Variants in PSG8 observed in about 807,000 individuals in gnomAD.
PSG8 encodes pregnancy-specific beta-1-glycoprotein 8.
In PSG8, 57 loss-of-function variants were observed where a neutral mutation model predicts 42.5. That is an observed-to-expected ratio of 1.34 (90% CI 1.08 to 1.67). The LOEUF (loss-of-function observed/expected upper bound fraction) is 1.67. PSG8 is among the 40% of genes most tolerant of loss of function. PSG8 has a pLI of 0.00. For missense variants in PSG8, 783 were observed against 518.6 expected (o/e 1.51, Z -4.95); for synonymous variants, 280 against 196.8 (o/e 1.42, Z -3.54).
Position 42,754,315 on chromosome 19 carries a change from A to T in PSG8, c.1261T>A (p.Ser421Thr), listed in dbSNP as rs775427803. ...VKVSGKRIPV[S>T]LAIGI ...TCCACCTAAATCCCTATTGCCAAGG[A>T]TACTGGGATCCGCTTACCAGAGACT... The change falls in exon 5 of 5, where the codon TCC becomes ACC. Residue 421 changes from serine to threonine, a missense_variant. Physicochemically the swap from Ser to Thr is moderately conservative, Grantham distance 58. Coordinates refer to ENST00000306511, the MANE Select transcript of PSG8 (RefSeq NM_182707.3). 1.9e-6 allele frequency: 3 copies of T among 1,613,548 alleles called. No homozygotes were observed. The highest frequency in any genetic ancestry group is 3.3e-5 in the Admixed American group (2 of 59,972).
In PSG8 at chr19:42,754,805, C is replaced by T; in HGVS notation, c.988+183G>A. 27 of 1,454,418 alleles carry T rather than the reference C, an allele frequency of 1.9e-5. No individual in the cohort carries two copies. The South Asian group carries it at 3.8e-4, about 21-fold the overall frequency. The allele number at this position is 1,454,418 out of a possible 1,614,324, so 90.1% of individuals were successfully genotyped here. ...CTCCCATGACAAGAGCGTCCACTCCCCTTATACTCTTGGTTAAGGCTGTGC... is the reference window on the plus strand; with the variant it reads ...CTCCCATGACAAGAGCGTCCACTCCTCTTATACTCTTGGTTAAGGCTGTGC... On this transcript the variant is annotated intron_variant, in intron 4 of 4. Coordinates refer to ENST00000306511, the MANE Select transcript of PSG8 (RefSeq NM_182707.3).
chr19:42,755,012 A>T lies in PSG8; in HGVS notation c.964T>A (p.Tyr322Asn), dbSNP rs111674083. 1.4e-4 allele frequency: 218 copies of T among 1,613,108 alleles called. 5 individuals carry two copies. The highest frequency in any genetic ancestry group is 2.5e-4 in the Admixed American group (15 of 59,974). Residue 322 changes from tyrosine (Y) to asparagine (N), a missense_variant, in exon 4 of 5, where the codon TAC becomes AAC. Tyr to Asn is a moderately radical substitution (Grantham distance 143). Transcript: ENST00000306511. ...IRDQYGGIRS[Y>N]PVTLNVLYGP... ...CAGAGGACATTCAGGGTGACTGGGT[A>T]ACTGCGGATGCCACCATATTGGTCC...
chr19:42,757,968 C>T (rs1440990559), intron 3 of PSG8, 34 bp downstream of exon 3: 4 of 1,613,976 alleles, frequency 2.5e-6, no homozygotes, highest in Non-Finnish European at 2.5e-6. Context: ...TTTGGGATGG[C>T]AGCCTGGCTC....
chr19:42,764,518 A>C (rs1970166985), intron 1 of PSG8, among the ~76,000 whole-genome samples: 2 of 151,758 alleles, frequency 1.3e-5, no homozygotes, highest in African/African-American at 4.8e-5. Flanking sequence ...CATTCCTTCA[A>C]CACTTCTGAC....
chr19:42,757,679 G>A (rs1003844270), intron 3 of PSG8, among the ~76,000 whole-genome samples: 3 of 152,176 alleles, frequency 2.0e-5, no homozygotes, highest in Non-Finnish European at 4.4e-5. Context: ...CAATCACAGT[G>A]ACCCTGTGAG....
rs373909679 is a variant in PSG8, at chr19:42,765,574, A to G, written c.8T>C (p.Leu3Pro). 6.1e-5 allele frequency: 99 copies of G among 1,610,700 alleles called. No homozygotes were observed. The highest frequency in any genetic ancestry group is 8.8e-5 in the South Asian group (8 of 91,044). MG[L>P]LSAPPCTQRI... ...CTGTGTGCAGGGAGGGGCTGAGAGG[A>G]GCCCCATGGTCTCTGCTGTCTGTGT... The change falls in exon 1 of 5, where the codon CTC becomes CCC. Residue 3 changes from leucine to proline, a missense_variant. Physicochemically the swap from Leu to Pro is moderately conservative, Grantham distance 98. Transcript: ENST00000306511.
rs1970136891 is a variant in PSG8 at position 42,763,806 on chromosome 19, A to T, written c.430+110T>A. Reference sequence around the variant, plus strand: ...CTAAATGCCCAAACCCCAGCATGGGACATAATGCAGAGAGGGACACAGGCA... The same window carrying T: ...CTAAATGCCCAAACCCCAGCATGGGTCATAATGCAGAGAGGGACACAGGCA... On this transcript the variant is annotated intron_variant, in intron 2 of 4. Transcript: ENST00000306511. 5.8e-5 allele frequency: 91 copies of T among 1,578,056 alleles called. 1 individual carries two copies. The South Asian group carries it at 9.2e-4, about 16-fold the overall frequency.
intron 1 of PSG8, 58 bp downstream of exon 1, chr19:42,765,460 C>A (rs1568381737): frequency 3.1e-6 from 5 of 1,601,584 alleles, no homozygotes; most frequent in Non-Finnish European, 3.4e-6. Context: ...CTCAAGGAGA[C>A]CCCATCCAGT....
intron 2 of PSG8, among the ~76,000 whole-genome samples, chr19:42,760,731 C>T (rs573718148): frequency 1.2e-4 from 19 of 152,106 alleles, no homozygotes; most frequent in Non-Finnish European, 2.6e-4. Flanking sequence ...TACAGGGGCC[C>T]GCCACCATGG....
At position 42,754,274 on chromosome 19, in the gene PSG8, T is replaced by G. The variant is rs776110008; in HGVS notation, c.*21A>C. On this transcript the variant is annotated 3_prime_UTR_variant, in exon 5 of 5. Coordinates refer to ENST00000306511, the MANE Select transcript of PSG8 (RefSeq NM_182707.3). ...TAAAAATGTTTTCCTGACTCTTCCC[T>G]GAAGGCCAGATAGACTCCACCTAAA... is the stretch of plus-strand genomic sequence containing the variant. The G allele has an allele frequency of 1.2e-6, 2 of 1,609,702 alleles. No individual in the cohort carries two copies. The highest frequency in any genetic ancestry group is 1.7e-6 in the Non-Finnish European group (2 of 1,177,798).
At chr19:42,761,538 A>G (rs1600417765) in intron 2 of PSG8, among the ~76,000 whole-genome samples, 1 of 152,082 alleles carries the variant, frequency 6.6e-6, no homozygotes, top group African/African-American at 2.4e-5. Flanking sequence ...CAACCGGCTG[A>G]CCTCATCCAT....
chr19:42,761,991 C>T (rs35202325), intron 2 of PSG8, among the ~76,000 whole-genome samples: 1 of 151,982 alleles, frequency 6.6e-6, no homozygotes. Context: ...AGCTCATTCT[C>T]TTAGTGACCT....
chr19:42,765,347 C>G (rs566998966), intron 1 of PSG8, among the ~76,000 whole-genome samples, 171 bp downstream of exon 1: 1 of 152,024 alleles, frequency 6.6e-6, no homozygotes, highest in South Asian at 2.1e-4. Context: ...AGAGACAGGG[C>G]TTCACTGTGT....
At position 42,757,458 on chromosome 19, in the gene PSG8, G is replaced by A. The variant is rs926737902; in HGVS notation, c.709+544C>T. On this transcript the variant is annotated intron_variant, in intron 3 of 4. Coordinates refer to ENST00000306511, the MANE Select transcript of PSG8 (RefSeq NM_182707.3). ...GATTTGGGGGATAAAGAACACTTGT[G>A]CTGATTGCTGGAACTTCCCATCAAT... Among the ~76,000 whole-genome samples the A allele has an allele frequency of 1.6e-4, 25 of 152,136 alleles. 1 individual carries two copies. The highest frequency in any genetic ancestry group is 9.2e-4 in the Admixed American group (14 of 15,284).
At chr19:42,760,892 T>C (rs1970056802) in intron 2 of PSG8, among the ~76,000 whole-genome samples, 1 of 152,200 alleles carries the variant, frequency 6.6e-6, no homozygotes, top group African/African-American at 2.4e-5. Flanking sequence ...TGAGGGAGTT[T>C]AACGAGTTGT....
rs751141317 is a variant in PSG8, at chr19:42,764,044, A to G, written c.302T>C (p.Ile101Thr). ...YGPAYSGRET[I>T]YSNASLLIQN... ...GATCAGCAGGGATGCATTGGAATAT[A>G]TTGTTTCTCGTCCACTGTATGCAGG... The change falls in exon 2 of 5, where the codon ATA becomes ACA. Residue 101 changes from isoleucine (I) to threonine (T), a missense_variant. Physicochemically the swap from Ile to Thr is moderately conservative, Grantham distance 89 (BLOSUM62 -1). Coordinates refer to ENST00000306511, the MANE Select transcript of PSG8 (RefSeq NM_182707.3). 1.9e-5 allele frequency: 31 copies of G among 1,613,568 alleles called. 1 individual carries two copies. In the African/African-American group the frequency reaches 2.3e-4, roughly 12 times the overall value.
Position 42,764,385 on chromosome 19 carries a change from GACACAGACACAC to G in PSG8, c.65-116_65-105del, listed in dbSNP as rs548619409. Reference sequence around the variant, plus strand: ...GTTCTCTTCAGTCCTCAGCCTTGAAGACACAGACACACACACATACAAACACACGCACACACA... The same window carrying G: ...GTTCTCTTCAGTCCTCAGCCTTGAAGACACATACAAACACACGCACACACA... On this transcript the variant is annotated intron_variant, in intron 1 of 4. Transcript: ENST00000306511. 2.7e-5 allele frequency: 41 copies of G among 1,495,396 alleles called. 1 individual carries two copies. Among genetic ancestry groups the G allele is most frequent in the Non-Finnish European group, 3.3e-5 (37 of 1,112,568 alleles). 92.6% of individuals were successfully genotyped at this position (1,495,396 alleles called of 1,614,324 possible).
chr19:42,753,205 G>A (rs918211943), downstream of PSG8: 34 of 766,636 alleles, frequency 4.4e-5, no homozygotes, highest in Non-Finnish European at 7.5e-5. Flanking sequence ...GAACATTTTA[G>A]TGAGTTCTGA....
intron 2 of PSG8, among the ~76,000 whole-genome samples, chr19:42,762,379 A>T (rs1184290178): frequency 6.6e-6 from 1 of 152,040 alleles, no homozygotes; most frequent in Non-Finnish European, 1.5e-5. Context: ...TCAGAATTAC[A>T]TGAGCTGGGG....
Sources: gnomAD v4.1 joint callset for allele counts (sites outside exome capture counted in the v4.1 genomes callset) on GRCh38, gnomAD v4.1.1 for gene constraint, MANE v1.5 for transcripts, NCBI Gene and HGNC (gene_info 2026-07-23, HGNC 2026-07-21) for gene names.